The following SCHIP1 variants were observed in gnomAD, a reference collection of about 807,000 sequenced individuals.
SCHIP1 encodes the protein schwannomin-interacting protein 1.
SCHIP1 carries 8 observed loss-of-function variants against 29.7 expected under a neutral mutation model. The observed-to-expected ratio is 0.27, with a 90% CI of 0.16 to 0.49. The LOEUF (loss-of-function observed/expected upper bound fraction) is 0.49, where lower values mean the gene tolerates loss of function less well. SCHIP1 is among the 20% of genes least tolerant of loss of function. The pLI is 0.99. For missense variants in SCHIP1, 193 were observed against 294.6 expected (o/e 0.66, Z 2.52); for synonymous variants, 76 against 94.9 (o/e 0.80, Z 1.16).
At chr3:159,550,452 T>C in the SCHIP1 span, among the ~76,000 whole-genome samples, 13 of 152,232 alleles carry the variant, frequency 8.5e-5, 1 homozygote, top group South Asian at 2.5e-3. Flanking sequence ...TTTAATGGTA[T>C]AAAATACTCC....
At chr3:159,619,523 T>C in the SCHIP1 span, among the ~76,000 whole-genome samples, 1 of 152,320 alleles carries the variant, frequency 6.6e-6, no homozygotes, top group South Asian at 2.1e-4. Context: ...CCAGCCAGAA[T>C]CCTTTCAAAC....
the SCHIP1 span, among the ~76,000 whole-genome samples, chr3:159,679,863 T>C: frequency 3.0e-3 from 456 of 152,212 alleles, 5 homozygotes; most frequent in African/African-American, 0.01. Context: ...TCATCTGCCA[T>C]TACAACAGAC....
the SCHIP1 span, among the ~76,000 whole-genome samples, chr3:159,380,186 T>C: frequency 2.0e-5 from 3 of 151,762 alleles, no homozygotes; most frequent in Non-Finnish European, 4.4e-5. Flanking sequence ...AAACTTGACT[T>C]TTAAAGATAG....
the SCHIP1 span, among the ~76,000 whole-genome samples, chr3:159,535,557 T>G: frequency 2.0e-5 from 3 of 152,210 alleles, no homozygotes; most frequent in Non-Finnish European, 2.9e-5. Flanking sequence ...GCTTAGTTCC[T>G]GCCTTGTATT....
At chr3:159,628,854 A>AT in the SCHIP1 span, among the ~76,000 whole-genome samples, 60 of 152,306 alleles carry the variant, frequency 3.9e-4, no homozygotes, top group African/African-American at 1.4e-3. Context: ...TGTTTTAAAG[A>AT]TTTTTTATGT....
the SCHIP1 span, among the ~76,000 whole-genome samples, chr3:159,621,668 C>G: frequency 6.8e-6 from 1 of 146,414 alleles, no homozygotes; most frequent in Non-Finnish European, 1.5e-5. Context: ...TGTTTTTGTT[C>G]TTTGTTTTTT....
At chr3:159,511,695 C>T in the SCHIP1 span, among the ~76,000 whole-genome samples, 1 of 152,166 alleles carries the variant, frequency 6.6e-6, no homozygotes, top group Admixed American at 6.5e-5. Context: ...AATCCCAACG[C>T]AGAAGTATGC....
chr3:159,528,977 T>C, the SCHIP1 span, among the ~76,000 whole-genome samples: 3 of 152,150 alleles, frequency 2.0e-5, no homozygotes, highest in East Asian at 1.9e-4. Flanking sequence ...TGAGACCAGC[T>C]ACCTGACAGC....
the SCHIP1 span, among the ~76,000 whole-genome samples, chr3:159,653,684 C>A: frequency 6.6e-6 from 1 of 150,972 alleles, no homozygotes; most frequent in Non-Finnish European, 1.5e-5. Context: ...CGGCAAACCA[C>A]CATGGCACAT....
At chr3:159,274,085 G>A in the SCHIP1 span, 1 of 984,250 alleles carries the variant, frequency 1.0e-6, no homozygotes, top group Non-Finnish European at 1.2e-6. Flanking sequence ...GTTAGTATGT[G>A]GATATTTGGT....
chr3:159,318,612 T>C, the SCHIP1 span, among the ~76,000 whole-genome samples: 377 of 152,264 alleles, frequency 2.5e-3, no homozygotes, highest in Non-Finnish European at 3.7e-3. Flanking sequence ...CCTCTGTCAA[T>C]TGATAATAGG....
the SCHIP1 span, among the ~76,000 whole-genome samples, chr3:159,788,231 G>T: frequency 6.6e-6 from 1 of 152,086 alleles, no homozygotes. Context: ...AGGTATTGGG[G>T]CTGACACTAA....
At chr3:159,721,850 G>A in the SCHIP1 span, 1 of 400,906 alleles carries the variant, frequency 2.5e-6, no homozygotes, top group South Asian at 2.1e-5. Context: ...TGATGCTGAG[G>A]TCCACCTTGG....
chr3:159,603,880 G>A, the SCHIP1 span, among the ~76,000 whole-genome samples: 62 of 152,172 alleles, frequency 4.1e-4, no homozygotes, highest in Admixed American at 3.9e-3. Context: ...AGGGAGCACA[G>A]GACATCACAT....
At chr3:159,488,498 A>T in the SCHIP1 span, among the ~76,000 whole-genome samples, 15 of 152,258 alleles carry the variant, frequency 9.9e-5, no homozygotes, top group African/African-American at 3.6e-4. Flanking sequence ...TAAAAAAAGA[A>T]ATATTGGCTG....
intron 4 of SCHIP1, 187 bp from the exon 6 acceptor site, chr3:159,888,633 G>A: frequency 1.5e-6 from 1 of 666,602 alleles, no homozygotes; most frequent in Non-Finnish European, 2.2e-6. Context: ...TTTGATGCCA[G>A]TTGCATATTA....
the SCHIP1 span, among the ~76,000 whole-genome samples, chr3:159,428,220 C>T: frequency 3.3e-5 from 5 of 151,894 alleles, no homozygotes; most frequent in African/African-American, 1.2e-4. Flanking sequence ...TAAAGAGCTT[C>T]TGCACAGCAA....
the SCHIP1 span, among the ~76,000 whole-genome samples, chr3:159,494,411 A>G: frequency 6.6e-6 from 1 of 152,168 alleles, no homozygotes; most frequent in Non-Finnish European, 1.5e-5. Flanking sequence ...ATAAAAAATG[A>G]CAAAGGAGAT....
chr3:159,399,516 G>A, the SCHIP1 span, among the ~76,000 whole-genome samples: 39 of 152,152 alleles, frequency 2.6e-4, no homozygotes, highest in African/African-American at 9.2e-4. Context: ...TGTTTGCTTA[G>A]CACAAAAGTT....
Sources: allele counts gnomAD v4.1 joint callset (sites outside exome capture counted in the v4.1 genomes callset), GRCh38; gene constraint gnomAD v4.1.1; transcripts MANE v1.5; gene names NCBI Gene and HGNC (gene_info 2026-07-23, HGNC 2026-07-21).